NEUROD4: variants seen among roughly 807,000 people sequenced by gnomAD.
NEUROD4 encodes the protein neuronal differentiation 4, also known as neurogenic differentiation factor 4.
A neutral mutation model predicts 19.8 loss-of-function variants in NEUROD4; 16 were observed. The observed-to-expected ratio is 0.81, with a 90% CI of 0.55 to 1.23. The LOEUF is 1.23. Ranked by LOEUF, NEUROD4 falls within the 50% of genes most tolerant of loss-of-function variation. NEUROD4 has a pLI of 0.00. For missense variants in NEUROD4, 439 were observed against 398.6 expected (o/e 1.10, Z -0.86); for synonymous variants, 153 against 147.9 (o/e 1.03, Z -0.25).
rs1952666431 is a variant in NEUROD4, at chr12:55,020,291, T to C, written c.-32T>C. The C allele has an allele frequency of 6.6e-6, 1 of 152,260 alleles. No homozygotes were observed. Among genetic ancestry groups the C allele is most frequent in the Non-Finnish European group, 1.5e-5 (1 of 68,126 alleles). 9.4% of individuals were successfully genotyped at this position (152,260 alleles called of 1,614,324 possible). ...TAAGACGCAGATTCACAGAGTTCAC[T>C]CCAGGAACGGCCAGTGACCGAGGTG... On this transcript the variant is annotated 5_prime_UTR_variant, in exon 1 of 2. Coordinates refer to ENST00000242994, the MANE Select transcript of NEUROD4 (RefSeq NM_021191.3).
intron 1 of NEUROD4, among the ~76,000 whole-genome samples, chr12:55,023,371 A>C (rs757640934): frequency 1.3e-5 from 2 of 152,202 alleles, no homozygotes; most frequent in African/African-American, 4.8e-5. Flanking sequence ...ACGTGTGTGA[A>C]TAGATTAGAT....
rs754389447 is a variant in NEUROD4, at chr12:55,027,314, A to G, written c.875A>G (p.His292Arg). 1 of 1,614,116 alleles carries G rather than the reference A, an allele frequency of 6.2e-7. No individual in the cohort carries two copies. The highest frequency in any genetic ancestry group is 8.5e-7 in the Non-Finnish European group (1 of 1,180,018). Residue 292 changes from histidine (H) to arginine (R), a missense_variant, in exon 2 of 2, where the codon CAT (histidine) becomes CGT (arginine). By Grantham distance (29) the His-to-Arg change is conservative. Coordinates refer to ENST00000242994, the MANE Select transcript of NEUROD4 (RefSeq NM_021191.3). ...CCTTCTTCAAGTCTAAGCTCAGGGC[A>G]TGTGCATTCAACTCCTTTTCAGGCT... ...HYPSSSLSSG[H>R]VHSTPFQAGT... is the part of the protein sequence containing the mutation.
Position 55,027,036 on chromosome 12 carries a change from C to T in NEUROD4, c.597C>T (p.Val199=), listed in dbSNP as rs774786438. ...KSPICDSAIS[V]HNFNYQSPGL... ...CTATTTGTGACTCTGCCATCTCTGT[C>T]CACAACTTCAACTATCAGTCTCCGG... The change falls in exon 2 of 2, where the codon GTC becomes GTT. Residue 199 remains valine, a synonymous_variant. Coordinates refer to ENST00000242994, the MANE Select transcript of NEUROD4 (RefSeq NM_021191.3). 1.2e-6 allele frequency: 2 copies of T among 1,614,138 alleles called. No homozygotes were observed. The highest frequency in any genetic ancestry group is 1.3e-5 in the African/African-American group (1 of 75,048).
rs1952757358 is a variant in NEUROD4, at chr12:55,028,378, C to T, written c.*943C>T. 2 of 167,026 alleles carry T rather than the reference C, an allele frequency of 1.2e-5. No individual in the cohort carries two copies. The highest frequency in any genetic ancestry group is 4.8e-5 in the African/African-American group (2 of 41,414). The allele number at this position is 167,026 out of a possible 1,614,324, so 10.3% of individuals were successfully genotyped here. ...AACTTCTGATGAAGCTCAGGTGCTG[C>T]TGTTAGAATCAGCACACAACACAGG... On this transcript the variant is annotated 3_prime_UTR_variant, in exon 2 of 2. Transcript: ENST00000242994.
intron 1 of NEUROD4, among the ~76,000 whole-genome samples, chr12:55,023,814 C>A (rs1952693423): frequency 6.6e-6 from 1 of 152,196 alleles, no homozygotes; most frequent in African/African-American, 2.4e-5. Context: ...TACCCACCAA[C>A]AAGCTGATTT....
In NEUROD4 at chr12:55,027,756, C is replaced by T; in HGVS notation, c.*321C>T. On this transcript the variant is annotated 3_prime_UTR_variant, in exon 2 of 2. Transcript: ENST00000242994. The stretch of plus-strand genomic sequence containing the variant: ...GTGCCAATTAATTTTCCATTTCTGG[C>T]CTTTGTTTATTTACTAGCAATTGTA... 3.8e-6 allele frequency: 1 copy of T among 261,088 alleles called. No individual in the cohort carries two copies. 16.2% of individuals were successfully genotyped at this position (261,088 alleles called of 1,614,324 possible). A position where few individuals can be genotyped will look rare whatever the true frequency, so the allele number is the denominator to read the frequency against.
At chr12:55,021,488 T>C (rs1952673172) in intron 1 of NEUROD4, among the ~76,000 whole-genome samples, 1 of 152,088 alleles carries the variant, frequency 6.6e-6, no homozygotes, top group Non-Finnish European at 1.5e-5. Context: ...CACATGTGAG[T>C]TCCCCTTACC....
chr12:55,026,817 A>T lies in NEUROD4; in HGVS notation c.378A>T (p.Ile126=), dbSNP rs1952738580. The T allele has an allele frequency of 6.2e-7, 1 of 1,614,012 alleles. No individual in the cohort carries two copies. The highest frequency in any genetic ancestry group is 8.5e-7 in the Non-Finnish European group (1 of 1,179,986). The change falls in exon 2 of 2, where the codon ATA becomes ATT. Residue 126 remains isoleucine (I), a synonymous_variant. Coordinates refer to ENST00000242994, the MANE Select transcript of NEUROD4 (RefSeq NM_021191.3). ...CYSKTQKLSK[I]ETLRLARNYI... is the part of the protein sequence containing the mutation. The stretch of plus-strand genomic sequence containing the variant: ...CTAAAACCCAAAAACTTTCCAAGAT[A>T]GAGACTCTTAGACTGGCCAGGAACT...
chr12:55,025,247 A>T (rs1056284643), intron 1 of NEUROD4, among the ~76,000 whole-genome samples: 2 of 152,256 alleles, frequency 1.3e-5, no homozygotes, highest in Non-Finnish European at 2.9e-5. Context: ...TGAATTTTGC[A>T]TACAAAATTC....
At chr12:55,024,002 G>A (rs987317047) in intron 1 of NEUROD4, among the ~76,000 whole-genome samples, 11 of 152,158 alleles carry the variant, frequency 7.2e-5, no homozygotes, top group Non-Finnish European at 1.3e-4. Flanking sequence ...ACCTAGGATG[G>A]TATTCAGATC....
At chr12:55,022,587 C>A (rs1440688859) in intron 1 of NEUROD4, among the ~76,000 whole-genome samples, 1 of 152,092 alleles carries the variant, frequency 6.6e-6, no homozygotes, top group South Asian at 2.1e-4. Flanking sequence ...AAATTGTATT[C>A]GCAATACAGA....
Position 55,026,831 on chromosome 12 carries a change from T to C in NEUROD4, c.392T>C (p.Leu131Pro), listed in dbSNP as rs374938415. 6.2e-6 allele frequency: 10 copies of C among 1,613,998 alleles called. No individual in the cohort carries two copies. Among genetic ancestry groups the C allele is most frequent in the Admixed American group, 1.7e-5 (1 of 60,006 alleles). The change falls in exon 2 of 2, where the codon CTG becomes CCG. Residue 131 changes from leucine (L) to proline (P), a missense_variant. By Grantham distance (98) the Leu-to-Pro change is moderately conservative (BLOSUM62 -3). Transcript: ENST00000242994. Reference sequence around the variant, plus strand: ...CTTTCCAAGATAGAGACTCTTAGACTGGCCAGGAACTATATTTGGGCTTTA... The same window carrying C: ...CTTTCCAAGATAGAGACTCTTAGACCGGCCAGGAACTATATTTGGGCTTTA... ...QKLSKIETLR[L>P]ARNYIWALSE...
chr12:55,027,544 A>G lies in NEUROD4; in HGVS notation c.*109A>G. 1 of 1,052,092 alleles carries G rather than the reference A, an allele frequency of 9.5e-7. No homozygotes were observed. Among genetic ancestry groups the G allele is most frequent in the Non-Finnish European group, 1.4e-6 (1 of 714,746 alleles). 65.2% of individuals were successfully genotyped at this position (1,052,092 alleles called of 1,614,324 possible). Reference sequence around the variant, plus strand: ...AAAGGATCCCTATGGATATATATCAAACAATAGTTCAAGTCCATTTAGGCT... The same window carrying G: ...AAAGGATCCCTATGGATATATATCAGACAATAGTTCAAGTCCATTTAGGCT... On this transcript the variant is annotated 3_prime_UTR_variant, in exon 2 of 2. Transcript: ENST00000242994.
intron 1 of NEUROD4, among the ~76,000 whole-genome samples, chr12:55,022,397 A>G (rs1460010795): frequency 6.6e-6 from 1 of 152,076 alleles, no homozygotes; most frequent in Non-Finnish European, 1.5e-5. Flanking sequence ...CAAATTTAAA[A>G]CTAGATGTTT....
rs1952754807 is a variant in NEUROD4 at position 55,028,079 on chromosome 12, G to C, written c.*644G>C. On this transcript the variant is annotated 3_prime_UTR_variant, in exon 2 of 2. Coordinates refer to ENST00000242994, the MANE Select transcript of NEUROD4 (RefSeq NM_021191.3). ...TTCTGGAAGCTAAAAGTCTAACATG[G>C]CTGTCACTGTGAAGAACAAAACATG... is the stretch of plus-strand genomic sequence containing the variant. 1 of 166,978 alleles carries C rather than the reference G, an allele frequency of 6.0e-6. No homozygotes were observed. Among genetic ancestry groups the C allele is most frequent in the Admixed American group, 6.5e-5 (1 of 15,276 alleles). 10.3% of individuals were successfully genotyped at this position (166,978 alleles called of 1,614,324 possible). A position where few individuals can be genotyped will look rare whatever the true frequency, so the allele number is the denominator to read the frequency against.
At position 55,020,084 on chromosome 12, in the gene NEUROD4, A is replaced by C. The variant is rs1293449539; in HGVS notation, c.-239A>C. 5 of 152,326 alleles carry C rather than the reference A, an allele frequency of 3.3e-5. No homozygotes were observed. The highest frequency in any genetic ancestry group is 7.3e-5 in the Non-Finnish European group (5 of 68,108). The allele number at this position is 152,326 out of a possible 1,614,324, so 9.4% of individuals were successfully genotyped here. On this transcript the variant is annotated 5_prime_UTR_variant, in exon 1 of 2. Coordinates refer to ENST00000242994, the MANE Select transcript of NEUROD4 (RefSeq NM_021191.3). Reference sequence around the variant, plus strand: ...CTAAACTGGCTGCAGCGGAGAGATCAGCCCGAAGGCGTCCTTGAGGAGCAT... The same window carrying C: ...CTAAACTGGCTGCAGCGGAGAGATCCGCCCGAAGGCGTCCTTGAGGAGCAT...
rs1265268924 is a variant in NEUROD4, at chr12:55,027,273, C to T, written c.834C>T (p.Ser278=). The T allele has an allele frequency of 1.2e-6, 2 of 1,613,986 alleles. No individual in the cohort carries two copies. Residue 278 remains serine (S), a synonymous_variant, in exon 2 of 2, where the codon AGC becomes AGT. Transcript: ENST00000242994. ...DGSPDLEKSY[S]FMPHYPSSSL... ...CTCCTGACCTAGAAAAATCCTACAG[C>T]TTCATGCCACATTACCCTTCTTCAA... is the stretch of plus-strand genomic sequence containing the variant.
intron 1 of NEUROD4, among the ~76,000 whole-genome samples, chr12:55,021,770 G>T (rs1456683989): frequency 6.6e-6 from 1 of 152,162 alleles, no homozygotes; most frequent in Non-Finnish European, 1.5e-5. Context: ...CTGTTATATT[G>T]TGTAGGTATA....
chr12:55,027,090 G>A lies in NEUROD4; in HGVS notation c.651G>A (p.Met217Ile). ...TTCCTAGCCCTCCTTATGGTCATAT[G>A]GAAACACATCTCCTTCATCTCAAGC... Reference protein sequence around the residue: ...PGLPSPPYGHMETHLLHLKPQ... With the variant: ...PGLPSPPYGHIETHLLHLKPQ... The change falls in exon 2 of 2, where the codon ATG (methionine) becomes ATA (isoleucine). Residue 217 changes from methionine to isoleucine, a missense_variant. Met to Ile is a conservative substitution (Grantham distance 10). Coordinates refer to ENST00000242994, the MANE Select transcript of NEUROD4 (RefSeq NM_021191.3). The A allele has an allele frequency of 6.2e-7, 1 of 1,614,104 alleles. No individual in the cohort carries two copies. The highest frequency in any genetic ancestry group is 1.7e-4 in the Middle Eastern group (1 of 6,060).
Sources: gnomAD v4.1 joint callset for allele counts (sites outside exome capture counted in the v4.1 genomes callset) on GRCh38, gnomAD v4.1.1 for gene constraint, MANE v1.5 for transcripts, NCBI Gene and HGNC (gene_info 2026-07-23, HGNC 2026-07-21) for gene names.